MANBA: variants seen among roughly 807,000 people sequenced by gnomAD.
MANBA encodes beta-mannosidase.
Under a neutral mutation model 111.1 loss-of-function variants are expected in MANBA, and 83 were observed. The observed-to-expected ratio is 0.75, with a 90% CI of 0.63 to 0.90. The LOEUF is 0.90. Ranked by LOEUF, MANBA falls within the 40% of genes least tolerant of loss-of-function variation. The pLI is 0.00. For synonymous variants in MANBA, 370 were observed against 378.7 expected, an observed-to-expected ratio of 0.98 and a Z score of 0.27; for missense variants, 1,036 against 1,069.0, an observed-to-expected ratio of 0.97 and a Z score of 0.43.
intron 13 of MANBA, among the ~76,000 whole-genome samples, chr4:102,642,745 A>G (rs1729938359): frequency 6.6e-6 from 1 of 152,228 alleles, no homozygotes; most frequent in African/African-American, 2.4e-5. Flanking sequence ...CAGTTCCAGC[A>G]CTGCCACTGG....
intron 1 of MANBA, among the ~76,000 whole-genome samples, chr4:102,740,493 G>C (rs995957362): frequency 6.6e-6 from 1 of 152,022 alleles, no homozygotes; most frequent in Non-Finnish European, 1.5e-5. Context: ...GCCAAAGCAA[G>C]ACTATGCAAA....
chr4:102,741,842 T>A (rs1035385243), intron 1 of MANBA, among the ~76,000 whole-genome samples: 3 of 152,012 alleles, frequency 2.0e-5, no homozygotes. Context: ...GGGTGATGGG[T>A]GCAACAAAAT....
intron 5 of MANBA, among the ~76,000 whole-genome samples, chr4:102,707,628 A>C (rs1733359944): frequency 6.6e-6 from 1 of 152,214 alleles, no homozygotes; most frequent in South Asian, 2.1e-4. Flanking sequence ...AAGTCAATTA[A>C]TAAAATGACA....
In MANBA at chr4:102,639,712, C is replaced by T; in HGVS notation, c.2014+1G>A. ...CGCACAAAGAACGCTGAAATGCTTACCAAGAGAAGCCCAGGAAGGAGCTTG... is the reference window on the plus strand; with the variant it reads ...CGCACAAAGAACGCTGAAATGCTTATCAAGAGAAGCCCAGGAAGGAGCTTG... On this transcript the variant is annotated splice_donor_variant, in intron 14 of 16. Coordinates refer to ENST00000647097, the MANE Select transcript of MANBA (RefSeq NM_005908.4). LOFTEE classifies it high-confidence loss of function. 1 of 1,614,142 alleles carries T rather than the reference C, an allele frequency of 6.2e-7. No individual in the cohort carries two copies.
chr4:102,673,972 T>A lies in MANBA; in HGVS notation c.1059A>T (p.Lys353Asn). Reference sequence around the variant, plus strand: ...AATCTGCTGGGATCCAGTTTGAGCCTTTTAGAAATATGGGAAATCCATTAA... The same window carrying A: ...AATCTGCTGGGATCCAGTTTGAGCCATTTAGAAATATGGGAAATCCATTAA... ...FKINGFPIFL[K>N]GSNWIPADSF... The change falls in exon 8 of 17, where the codon AAA becomes AAT. Residue 353 changes from lysine (K) to asparagine (N), a missense_variant. Coordinates refer to ENST00000647097, the MANE Select transcript of MANBA (RefSeq NM_005908.4). The A allele has an allele frequency of 1.2e-6, 2 of 1,610,572 alleles. No individual in the cohort carries two copies. The highest frequency in any genetic ancestry group is 1.7e-6 in the Non-Finnish European group (2 of 1,176,804).
Position 102,757,270 on chromosome 4 carries a change from G to A in MANBA, c.177+3448C>T, listed in dbSNP as rs140644912. ...CTTGAACCCAGGAGGCAGAGGTTGC[G>A]GTGAGCCGAGATAGTACCATTGCAT... On this transcript the variant is annotated intron_variant, in intron 1 of 16. Transcript: ENST00000647097. Among the ~76,000 whole-genome samples, 793 of 151,906 alleles carry A rather than the reference G, an allele frequency of 5.2e-3. 7 individuals carry two copies. The highest frequency in any genetic ancestry group is 0.018 in the African/African-American group (745 of 41,408).
At chr4:102,741,350 A>G (rs1723396178) in intron 1 of MANBA, among the ~76,000 whole-genome samples, 1 of 152,226 alleles carries the variant, frequency 6.6e-6, no homozygotes, top group Non-Finnish European at 1.5e-5. Flanking sequence ...GATGGAATGT[A>G]AACTAGTACA....
At chr4:102,661,223 T>C (rs372511977) in intron 11 of MANBA, among the ~76,000 whole-genome samples, 1 of 152,264 alleles carries the variant, frequency 6.6e-6, no homozygotes, top group African/African-American at 2.4e-5. Flanking sequence ...TTCCCTTGAA[T>C]GTAACCTTTT....
chr4:102,709,346 GGAAGGAAGA>G lies in MANBA; in HGVS notation c.673+5083_673+5091del, dbSNP rs1560788805. Among the ~76,000 whole-genome samples, 12 of 133,542 alleles carry G rather than the reference GGAAGGAAGA, an allele frequency of 9.0e-5. 1 individual carries two copies. Among genetic ancestry groups the G allele is most frequent in the African/African-American group, 3.2e-4 (11 of 34,806 alleles). 87.6% of individuals were successfully genotyped at this position (133,542 alleles called of 152,430 possible). A position where few individuals can be genotyped will look rare whatever the true frequency, so the allele number is the denominator to read the frequency against. On this transcript the variant is annotated intron_variant, in intron 5 of 16. Transcript: ENST00000647097. ...AAAGAAAAAGAAAGGAAGGAAGGAA[GGAAGGAAGA>G]AAAGAAAAGAAAAAGAAAGGAAGGA...
intron 13 of MANBA, among the ~76,000 whole-genome samples, chr4:102,640,472 T>G (rs1729831557): frequency 6.6e-6 from 1 of 152,210 alleles, no homozygotes; most frequent in Non-Finnish European, 1.5e-5. Flanking sequence ...AGTTCTTGTT[T>G]AAGAGACACT....
chr4:102,728,772 AG>A, intron 1 of MANBA: 1 of 924,818 alleles, frequency 1.1e-6, no homozygotes, highest in Non-Finnish European at 1.6e-6. Flanking sequence ...TCAGAGGACT[AG>A]GACACCAGCC....
At chr4:102,681,557 T>G (rs1314605405) in intron 7 of MANBA, 1 of 152,174 alleles carries the variant, frequency 6.6e-6, no homozygotes, top group African/African-American at 2.4e-5. Context: ...TATTACACAT[T>G]ACACCTCAGA....
chr4:102,723,992 A>T, intron 2 of MANBA, 25 bp from the exon 3 acceptor site: 1 of 1,298,924 alleles, frequency 7.7e-7, no homozygotes, highest in Non-Finnish European at 1.1e-6. Flanking sequence ...AGATTTTTAA[A>T]ACAAGATGTG....
At chr4:102,721,411 A>G (rs1043192086) in intron 4 of MANBA, among the ~76,000 whole-genome samples, 13 of 152,164 alleles carry the variant, frequency 8.5e-5, no homozygotes, top group African/African-American at 2.9e-4. Context: ...CAACCATACT[A>G]TTTCTGGGAA....
intron 5 of MANBA, among the ~76,000 whole-genome samples, chr4:102,708,433 AT>A (rs971032329): frequency 8.1e-4 from 123 of 152,272 alleles, no homozygotes; most frequent in African/African-American, 2.9e-3. Flanking sequence ...TAAGGAGGTA[AT>A]AAAAAAAGTC....
chr4:102,743,003 T>C (rs1268471489), intron 1 of MANBA, among the ~76,000 whole-genome samples: 1 of 152,184 alleles, frequency 6.6e-6, no homozygotes, highest in Non-Finnish European at 1.5e-5. Context: ...CCTGCCACCA[T>C]GGCCACTTTG....
At chr4:102,693,691 C>T (rs1017474577) in intron 5 of MANBA, among the ~76,000 whole-genome samples, 2 of 152,144 alleles carry the variant, frequency 1.3e-5, no homozygotes, top group Non-Finnish European at 2.9e-5. Flanking sequence ...TCTTTGGTTA[C>T]CTTTGCAATA....
chr4:102,686,625 T>A (rs1049410809), intron 7 of MANBA, among the ~76,000 whole-genome samples: 3 of 152,220 alleles, frequency 2.0e-5, no homozygotes, highest in Middle Eastern at 3.2e-3. Context: ...AATTCTTTTC[T>A]AACTTGAACT....
Position 102,631,617 on chromosome 4 carries a change from C to T in MANBA, c.*440G>A. 2.4e-6 allele frequency: 1 copy of T among 410,552 alleles called. No homozygotes were observed. Among genetic ancestry groups the T allele is most frequent in the East Asian group, 3.4e-5 (1 of 29,026 alleles). The allele number at this position is 410,552 out of a possible 1,614,324, so 25.4% of individuals were successfully genotyped here. A position where few individuals can be genotyped will look rare whatever the true frequency, so the allele number is the denominator to read the frequency against. The stretch of plus-strand genomic sequence containing the variant: ...CTGTTGTAACATTTCAATCGCCATT[C>T]CCTCTGAAATAATAACAAAGCACTT... On this transcript the variant is annotated 3_prime_UTR_variant, in exon 17 of 17. Transcript: ENST00000647097.
Sources: gnomAD v4.1 joint callset for allele counts (sites outside exome capture counted in the v4.1 genomes callset) on GRCh38, gnomAD v4.1.1 for gene constraint, MANE v1.5 for transcripts, NCBI Gene and HGNC (gene_info 2026-07-23, HGNC 2026-07-21) for gene names.